ST3GAL1: variants seen among roughly 807,000 people sequenced by gnomAD.
ST3GAL1 encodes the protein CMP-N-acetylneuraminate-beta-galactosamide-alpha-2,3-sialyltransferase 1.
In ST3GAL1, 16 loss-of-function variants were observed where a neutral mutation model predicts 34.1. The observed-to-expected ratio is 0.47, with a 90% CI of 0.32 to 0.71. The LOEUF is 0.71. ST3GAL1 is among the 30% of genes least tolerant of loss of function. ST3GAL1 has a pLI of 0.04. For missense variants in ST3GAL1, 353 were observed against 447.4 expected (o/e 0.79, Z 1.90); for synonymous variants, 191 against 184.7 (o/e 1.03, Z -0.28).
intron 2 of ST3GAL1, among the ~76,000 whole-genome samples, chr8:133,533,854 G>A (rs1818226485): frequency 6.6e-6 from 1 of 152,232 alleles, no homozygotes; most frequent in African/African-American, 2.4e-5. Flanking sequence ...AGGCAACACG[G>A]TGGTGTTTGT....
chr8:133,465,231 C>T (rs2130923002), intron 6 of ST3GAL1, among the ~76,000 whole-genome samples: 1 of 152,288 alleles, frequency 6.6e-6, no homozygotes, highest in South Asian at 2.1e-4. Context: ...ATTTCCACAG[C>T]CCTTTTTTTG....
At chr8:133,478,141 C>T (rs1194350607) in intron 3 of ST3GAL1, among the ~76,000 whole-genome samples, 1 of 152,190 alleles carries the variant, frequency 6.6e-6, no homozygotes, top group East Asian at 1.9e-4. Context: ...CTAGTGGTGT[C>T]CACAGGTATC....
chr8:133,503,548 G>A (rs962212266), intron 2 of ST3GAL1, among the ~76,000 whole-genome samples: 1 of 151,458 alleles, frequency 6.6e-6, no homozygotes, highest in Non-Finnish European at 1.5e-5. Flanking sequence ...CTTCCTGGCT[G>A]CCTTAAGAAA....
intron 9 of ST3GAL1, among the ~76,000 whole-genome samples, chr8:133,460,541 A>T (rs1815459613): frequency 6.6e-6 from 1 of 152,206 alleles, no homozygotes; most frequent in South Asian, 2.1e-4. Flanking sequence ...ATACATGACA[A>T]ACCCTGTGCA....
chr8:133,540,944 C>CAT (rs1158714337), intron 2 of ST3GAL1, among the ~76,000 whole-genome samples: 95 of 76,458 alleles, frequency 1.2e-3, no homozygotes, highest in East Asian at 5.5e-3. Flanking sequence ...CATATATAGA[C>CAT]ATATATATAG....
intron 2 of ST3GAL1, among the ~76,000 whole-genome samples, chr8:133,540,734 TATATATATA>T (rs1818444339): frequency 1.0e-5 from 1 of 97,342 alleles, no homozygotes; most frequent in Non-Finnish European, 2.0e-5. Flanking sequence ...TAGACATATA[TATATATATA>T]GACATATATA....
intron 2 of ST3GAL1, among the ~76,000 whole-genome samples, chr8:133,540,806 G>T (rs4989772): frequency 0.098 from 8,575 of 87,096 alleles, 936 homozygotes; most frequent in Non-Finnish European, 0.11. Context: ...CATATATATA[G>T]AGAGACATAT....
At chr8:133,480,247 G>A (rs1197098555) in intron 3 of ST3GAL1, among the ~76,000 whole-genome samples, 1 of 152,222 alleles carries the variant, frequency 6.6e-6, no homozygotes, top group Admixed American at 6.5e-5. Context: ...ACAAATGTCA[G>A]CACACTTTTG....
At position 133,530,534 on chromosome 8, in the gene ST3GAL1, C is replaced by T. The variant is rs184631149; in HGVS notation, c.-429+15240G>A. Among the ~76,000 whole-genome samples, 365 of 152,270 alleles carry T rather than the reference C, an allele frequency of 2.4e-3. 1 individual carries two copies. The highest frequency in any genetic ancestry group is 3.2e-3 in the Non-Finnish European group (219 of 68,008). ...CTGACCTCAGGTGATCCACTCGCCT[C>T]GGCCTCCCAAAGTGCTGGGATTACA... On this transcript the variant is annotated intron_variant, in intron 2 of 9. Transcript: ENST00000522652.
chr8:133,484,935 T>G (rs1273470978), intron 3 of ST3GAL1, among the ~76,000 whole-genome samples: 1 of 152,166 alleles, frequency 6.6e-6, no homozygotes. Flanking sequence ...GGGAGACTGT[T>G]CAGAAACATT....
At position 133,571,023 on chromosome 8, in the gene ST3GAL1, A is replaced by G. The variant is rs1297518608; in HGVS notation, c.-582+670T>C. Among the ~76,000 whole-genome samples, 2 of 152,172 alleles carry G rather than the reference A, an allele frequency of 1.3e-5. No homozygotes were observed. Among genetic ancestry groups the G allele is most frequent in the East Asian group, 1.9e-4 (1 of 5,184 alleles). The stretch of plus-strand genomic sequence containing the variant: ...CCCCACTGTCCGCCACGCCGCGTTC[A>G]GCTCTCTTGTCCCGGGTGTCAACTT... On this transcript the variant is annotated intron_variant, in intron 1 of 9. Coordinates refer to ENST00000522652, the MANE Select transcript of ST3GAL1 (RefSeq NM_173344.3). This position sits in a 1 kb window ranked among gnomAD's most constrained non-coding sequence, Gnocchi z 6.7.
intron 1 of ST3GAL1, among the ~76,000 whole-genome samples, chr8:133,551,431 G>A (rs1818832530): frequency 6.6e-6 from 1 of 151,426 alleles, no homozygotes; most frequent in South Asian, 2.1e-4. Context: ...TCACACCACT[G>A]CACTCCAGCC....
chr8:133,523,867 G>A (rs1817883883), intron 2 of ST3GAL1, among the ~76,000 whole-genome samples: 1 of 152,198 alleles, frequency 6.6e-6, no homozygotes, highest in Non-Finnish European at 1.5e-5. Flanking sequence ...TGGAATGTGG[G>A]AAGAAGTGTC....
chr8:133,463,262 C>T, intron 8 of ST3GAL1, 152 bp downstream of exon 8: 1 of 831,142 alleles, frequency 1.2e-6, no homozygotes, highest in East Asian at 2.6e-5. Flanking sequence ...AGTGTTTGAC[C>T]TCTTCCCCCA....
chr8:133,528,050 C>T (rs1818030357), intron 2 of ST3GAL1, among the ~76,000 whole-genome samples: 1 of 151,884 alleles, frequency 6.6e-6, no homozygotes, highest in Admixed American at 6.6e-5. Context: ...TGGCGCACAC[C>T]TGTAGTAGCA....
At chr8:133,473,216 C>T (rs1289013099) in intron 5 of ST3GAL1, among the ~76,000 whole-genome samples, 2 of 152,124 alleles carry the variant, frequency 1.3e-5, no homozygotes, top group Admixed American at 6.5e-5. Context: ...TTTTAGAAAC[C>T]GCCCTCCCCA....
intron 3 of ST3GAL1, among the ~76,000 whole-genome samples, chr8:133,491,601 C>T (rs1276220725): frequency 6.6e-6 from 1 of 152,178 alleles, no homozygotes; most frequent in African/African-American, 2.4e-5. Context: ...TTTAATGCTA[C>T]TGATTTTCAG....
At chr8:133,554,817 C>T (rs998627879) in intron 1 of ST3GAL1, among the ~76,000 whole-genome samples, 19 of 151,008 alleles carry the variant, frequency 1.3e-4, no homozygotes, top group Non-Finnish European at 1.6e-4. Flanking sequence ...ACCTCCGCCT[C>T]CTGGATTCAA....
rs912813920 is a variant in ST3GAL1, at chr8:133,491,354, C to T, written c.-374+7781G>A. On this transcript the variant is annotated intron_variant, in intron 3 of 9. Transcript: ENST00000522652. ...CACTATGCGCGCACCCAGGCTCACA[C>T]CTGTCCCAGAAGAAAGGATTTCCCC... Among the ~76,000 whole-genome samples the T allele has an allele frequency of 2.2e-4, 33 of 152,172 alleles. 1 individual carries two copies. Among genetic ancestry groups the T allele is most frequent in the African/African-American group, 7.5e-4 (31 of 41,512 alleles).
Sources: allele counts gnomAD v4.1 joint callset (sites outside exome capture counted in the v4.1 genomes callset), GRCh38; gene constraint gnomAD v4.1.1; non-coding constraint Gnocchi (gnomAD v3.1); transcripts MANE v1.5; gene names NCBI Gene and HGNC (gene_info 2026-07-23, HGNC 2026-07-21).